Variants in HERC5 observed in about 807,000 individuals in gnomAD.
HERC5 encodes E3 ISG15--protein ligase HERC5.
HERC5 carries 99 observed loss-of-function variants against 119.6 expected under a neutral mutation model. The observed-to-expected ratio is 0.83, with a 90% CI of 0.70 to 0.98. HERC5 has a LOEUF of 0.98. Ranked by LOEUF, HERC5 falls within the 50% of genes least tolerant of loss-of-function variation. The probability of loss-of-function intolerance (pLI) is 0.00; values close to 1 mark genes in which losing one functional copy is unlikely to be tolerated. For synonymous variants in HERC5, 478 were observed against 445.9 expected, an observed-to-expected ratio of 1.07 and a Z score of -0.91; for missense variants, 1,267 against 1,241.3, an observed-to-expected ratio of 1.02 and a Z score of -0.31.
chr4:88,492,362 G>C (rs1741668777), intron 16 of HERC5, among the ~76,000 whole-genome samples: 1 of 152,032 alleles, frequency 6.6e-6, no homozygotes, highest in Non-Finnish European at 1.5e-5. Context: ...GACTATAATA[G>C]TGATGCCAGT....
intron 11 of HERC5, chr4:88,473,827 C>CTGTTT (rs1740957520): frequency 6.6e-6 from 1 of 152,174 alleles, no homozygotes; most frequent in Non-Finnish European, 1.5e-5. Flanking sequence ...TGGATCAGTT[C>CTGTTT]ATCATTAAGG....
In HERC5 at chr4:88,475,699, A is replaced by G. The variant is rs1475180661; in HGVS notation, c.1393-142A>G. ...AGGCTAGGTGAGAAGGGATGTAAAC[A>G]GGGGTTTTAGAAAACTCAATGATTA... On this transcript the variant is annotated intron_variant, in intron 11 of 22. Transcript: ENST00000264350. 1.4e-5 allele frequency: 10 copies of G among 704,350 alleles called. No homozygotes were observed. The South Asian group carries it at 1.6e-4, about 11-fold the overall frequency. The allele number at this position is 704,350 out of a possible 1,614,324, so 43.6% of individuals were successfully genotyped here.
Position 88,457,187 on chromosome 4 carries a change from C to T in HERC5, c.-83C>T, listed in dbSNP as rs1740173600. 3.2e-6 allele frequency: 4 copies of T among 1,238,444 alleles called. No individual in the cohort carries two copies. Among genetic ancestry groups the T allele is most frequent in the Non-Finnish European group, 4.0e-6 (4 of 990,318 alleles). The allele number at this position is 1,238,444 out of a possible 1,614,324, so 76.7% of individuals were successfully genotyped here. ...AGCTGGTTCCCGCTCTGCAGCGCAA[C>T]GCCTGAGGCAGTGGGCGCGCTCAGT... On this transcript the variant is annotated 5_prime_UTR_variant, in exon 1 of 23. It adds an upstream start codon to the 5' untranslated region. Transcript: ENST00000264350.
intron 7 of HERC5, chr4:88,467,929 A>G: frequency 1.0e-6 from 1 of 961,956 alleles, no homozygotes; most frequent in Non-Finnish European, 1.2e-6. Flanking sequence ...TATTTCCTTA[A>G]GCAGCATGTA....
chr4:88,494,462 T>A, intron 18 of HERC5, 131 bp downstream of exon 18: 1 of 745,410 alleles, frequency 1.3e-6, no homozygotes, highest in South Asian at 1.8e-5. Flanking sequence ...GTTTTAACTT[T>A]GACAAGAATT....
At chr4:88,484,338 T>A (rs1451157521) in intron 13 of HERC5, among the ~76,000 whole-genome samples, 2 of 152,214 alleles carry the variant, frequency 1.3e-5, no homozygotes, top group African/African-American at 4.8e-5. Flanking sequence ...TGTTGTGATT[T>A]GTGTATGTGT....
chr4:88,475,117 C>CTT (rs764084976), intron 11 of HERC5, among the ~76,000 whole-genome samples: 19 of 109,942 alleles, frequency 1.7e-4, no homozygotes, highest in African/African-American at 6.0e-4. Flanking sequence ...CGGATTTTGT[C>CTT]TTTTTTTTTT....
chr4:88,470,694 A>G (rs368595358), intron 10 of HERC5, 21 bp downstream of exon 10: 86 of 1,003,530 alleles, frequency 8.6e-5, no homozygotes, highest in Non-Finnish European at 1.2e-4. Context: ...TAATAAATTA[A>G]TTGTATTAAA....
chr4:88,492,694 C>G (rs917096075), intron 16 of HERC5, among the ~76,000 whole-genome samples: 1 of 151,756 alleles, frequency 6.6e-6, no homozygotes, highest in Non-Finnish European at 1.5e-5. Context: ...TGCAGTGAGC[C>G]GAGATCAGAC....
At position 88,462,335 on chromosome 4, in the gene HERC5, C is replaced by T; in HGVS notation, c.667C>T (p.Leu223=). The T allele has an allele frequency of 6.2e-7, 1 of 1,614,002 alleles. No homozygotes were observed. The highest frequency in any genetic ancestry group is 2.2e-5 in the East Asian group (1 of 44,886). The change falls in exon 4 of 23, where the codon CTA becomes TTA. Residue 223 remains leucine, a synonymous_variant. Coordinates refer to ENST00000264350, the MANE Select transcript of HERC5 (RefSeq NM_016323.4). ...YSWGKNECGQ[L]GLGHTESKDD... is the part of the protein sequence containing the mutation. ...ATGGGGAAAAAATGAATGTGGACAA[C>T]TAGGCCTGGGCCACACTGAGAGTAT...
At position 88,489,200 on chromosome 4, in the gene HERC5, C is replaced by G; in HGVS notation, c.1997C>G (p.Ala666Gly). 6.2e-7 allele frequency: 1 copy of G among 1,613,068 alleles called. No individual in the cohort carries two copies. The highest frequency in any genetic ancestry group is 8.5e-7 in the Non-Finnish European group (1 of 1,179,618). Residue 666 changes from alanine (A) to glycine (G), a missense_variant, in exon 16 of 23, where the codon GCA becomes GGA. Physicochemically the swap from Ala to Gly is moderately conservative, Grantham distance 60 (BLOSUM62 0). This residue lies in a region of HERC5 where 473 missense variants were observed against 445.7 expected (regional missense o/e 1.06). Coordinates refer to ENST00000264350, the MANE Select transcript of HERC5 (RefSeq NM_016323.4). ...CATAAAGCTTATCTTAGGTCGGCAGCAATTGAGGAAGAAAGAGAGTCTGAA... is the reference window on the plus strand; with the variant it reads ...CATAAAGCTTATCTTAGGTCGGCAGGAATTGAGGAAGAAAGAGAGTCTGAA... ...KKHKAYLRSA[A>G]IEEERESEFA... is the part of the protein sequence containing the mutation.
chr4:88,462,188 A>G lies in HERC5; in HGVS notation c.520A>G (p.Arg174Gly). 2.5e-6 allele frequency: 4 copies of G among 1,614,148 alleles called. No homozygotes were observed. Among genetic ancestry groups the G allele is most frequent in the Non-Finnish European group, 2.5e-6 (3 of 1,180,018 alleles). Residue 174 changes from arginine (R) to glycine (G), a missense_variant, in exon 4 of 23, where the codon AGG (arginine) becomes GGG (glycine). By Grantham distance (125) the Arg-to-Gly change is moderately radical. Around this residue, in one of 3 missense-constraint regions of HERC5, gnomAD observed 777 missense variants for 758.0 expected, o/e 1.03. Coordinates refer to ENST00000264350, the MANE Select transcript of HERC5 (RefSeq NM_016323.4). Reference protein sequence around the residue: ...QNLHGQLGVGRKFPSTTTPQI... With the variant: ...QNLHGQLGVGGKFPSTTTPQI... ...CCTGCATGGGCAGCTTGGAGTTGGAAGGAAATTTCCCTCAACCACCACACC... is the reference window on the plus strand; with the variant it reads ...CCTGCATGGGCAGCTTGGAGTTGGAGGGAAATTTCCCTCAACCACCACACC...
chr4:88,467,234 A>G (rs761240422), intron 7 of HERC5, 30 bp downstream of exon 7: 2 of 1,597,366 alleles, frequency 1.3e-6, no homozygotes, highest in Non-Finnish European at 1.7e-6. Context: ...AGGGTTTGGC[A>G]TAGTATCTTT....
At chr4:88,459,989 G>GT (rs1560596002) in intron 2 of HERC5, 106 bp from the exon 3 acceptor site, 1 of 611,194 alleles carries the variant, frequency 1.6e-6, no homozygotes, top group Non-Finnish European at 2.8e-6. Context: ...TAAATTGAAA[G>GT]TTTTTTCTTG....
intron 15 of HERC5, among the ~76,000 whole-genome samples, chr4:88,488,682 G>GTT (rs1294027000): frequency 6.7e-6 from 1 of 148,588 alleles, no homozygotes; most frequent in African/African-American, 2.5e-5. Context: ...TCTTGTCTTG[G>GTT]TTTTTTTTTT....
chr4:88,492,745 C>CA (rs1741686434), intron 16 of HERC5, among the ~76,000 whole-genome samples: 1 of 151,930 alleles, frequency 6.6e-6, no homozygotes, highest in African/African-American at 2.4e-5. Context: ...GACTCCATCT[C>CA]AAAAAACAAA....
intron 6 of HERC5, among the ~76,000 whole-genome samples, chr4:88,465,818 G>A (rs1740642457): frequency 1.3e-5 from 2 of 152,182 alleles, no homozygotes; most frequent in African/African-American, 4.8e-5. Flanking sequence ...GACACATAAG[G>A]GCAGGGTATA....
chr4:88,485,953 A>G lies in HERC5; in HGVS notation c.1738-162A>G, dbSNP rs535617564. Among the ~76,000 whole-genome samples the G allele has an allele frequency of 2.0e-5, 3 of 152,216 alleles. No homozygotes were observed. In the South Asian group the frequency reaches 6.2e-4, roughly 32 times the overall value. ...TAAATCTTAGATATTCTTTATGTTCATGAAAATTTGGGGCTCTGGCAGTGG... is the reference window on the plus strand; with the variant it reads ...TAAATCTTAGATATTCTTTATGTTCGTGAAAATTTGGGGCTCTGGCAGTGG... On this transcript the variant is annotated intron_variant, in intron 13 of 22. Coordinates refer to ENST00000264350, the MANE Select transcript of HERC5 (RefSeq NM_016323.4).
chr4:88,465,005 T>C (rs1191622230), intron 6 of HERC5, among the ~76,000 whole-genome samples: 3 of 152,054 alleles, frequency 2.0e-5, no homozygotes, highest in African/African-American at 7.2e-5. Context: ...GTCCTGACCT[T>C]GTGATCCACC....
Sources: allele counts gnomAD v4.1 joint callset (sites outside exome capture counted in the v4.1 genomes callset), GRCh38; gene constraint gnomAD v4.1.1; regional missense constraint gnomAD v4.1.1; transcripts MANE v1.5; gene names NCBI Gene and HGNC (gene_info 2026-07-23, HGNC 2026-07-21).